The following CYP2C18 variants were observed in gnomAD, a reference collection of about 807,000 sequenced individuals.
CYP2C18 encodes the protein cytochrome P450 2C18.
Under a neutral mutation model 41.3 loss-of-function variants are expected in CYP2C18, and 38 were observed. The ratio of observed to expected loss-of-function variants is 0.92; its 90% CI spans 0.71 to 1.21. The LOEUF (loss-of-function observed/expected upper bound fraction) is 1.21, where lower values mean the gene tolerates loss of function less well. Ranked by LOEUF, CYP2C18 falls within the 50% of genes most tolerant of loss-of-function variation. The pLI is 0.00. For missense variants in CYP2C18, 635 were observed against 591.4 expected, an observed-to-expected ratio of 1.07 and a Z score of -0.77; for synonymous variants, 236 against 210.0, an observed-to-expected ratio of 1.12 and a Z score of -1.07.
chr10:94,691,935 A>G (rs1344590692), intron 3 of CYP2C18, among the ~76,000 whole-genome samples: 1 of 152,202 alleles, frequency 6.6e-6, no homozygotes, highest in Admixed American at 6.5e-5. Flanking sequence ...AGGATTCCCT[A>G]TTTAATAAAT....
chr10:94,727,206 A>C (rs1353364675), intron 7 of CYP2C18, among the ~76,000 whole-genome samples: 3 of 152,232 alleles, frequency 2.0e-5, no homozygotes, highest in African/African-American at 7.2e-5. Context: ...TAAAAGCCTG[A>C]GTAGTTAAAA....
rs190005280 is a variant in CYP2C18 at position 94,699,526 on chromosome 10, G to A, written c.642+4449G>A. On this transcript the variant is annotated intron_variant, in intron 4 of 8. Transcript: ENST00000285979. ...TGACAAACCCAAAGCTGATCATACCGAATGGGCACAAACTGGAAGCATTCC... is the reference window on the plus strand; with the variant it reads ...TGACAAACCCAAAGCTGATCATACCAAATGGGCACAAACTGGAAGCATTCC... Among the ~76,000 whole-genome samples, 203 of 152,188 alleles carry A rather than the reference G, an allele frequency of 1.3e-3. 1 individual carries two copies. Among genetic ancestry groups the A allele is most frequent in the Non-Finnish European group, 2.1e-3 (144 of 67,992 alleles).
intron 6 of CYP2C18, among the ~76,000 whole-genome samples, chr10:94,723,516 G>A (rs1847682362): frequency 6.6e-6 from 1 of 152,054 alleles, no homozygotes; most frequent in Non-Finnish European, 1.5e-5. Context: ...AATTGAAATG[G>A]ACACACAAGT....
At chr10:94,696,633 TG>T (rs1847122280) in intron 4 of CYP2C18, among the ~76,000 whole-genome samples, 1 of 152,106 alleles carries the variant, frequency 6.6e-6, no homozygotes, top group Non-Finnish European at 1.5e-5. Flanking sequence ...GGACAGAGAA[TG>T]ACTTTGACGA....
rs560514397 is a variant in CYP2C18, at chr10:94,706,404, C to T, written c.643-380C>T. 3.9e-5 allele frequency among the ~76,000 whole-genome samples: 6 copies of T among 152,242 alleles called. No individual in the cohort carries two copies. In the South Asian group the frequency reaches 8.3e-4, roughly 21 times the overall value. ...AAATAGCAGGGAATGGCTTTGTGATCTATTTCATGTTGTTCAAATTTCCTT... is the reference window on the plus strand; with the variant it reads ...AAATAGCAGGGAATGGCTTTGTGATTTATTTCATGTTGTTCAAATTTCCTT... On this transcript the variant is annotated intron_variant, in intron 4 of 8. Coordinates refer to ENST00000285979, the MANE Select transcript of CYP2C18 (RefSeq NM_000772.3).
At chr10:94,684,048 A>G in intron 1 of CYP2C18, 61 bp downstream of exon 1, 2 of 1,225,760 alleles carry the variant, frequency 1.6e-6, no homozygotes, top group South Asian at 3.5e-5. Flanking sequence ...ACAATTCTTA[A>G]AGTTTTATTT....
At chr10:94,710,000 A>C (rs1847408951) in intron 5 of CYP2C18, among the ~76,000 whole-genome samples, 1 of 150,984 alleles carries the variant, frequency 6.6e-6, no homozygotes. Context: ...TTTTTTTGAG[A>C]CAGGGTCTCG....
chr10:94,703,088 C>G (rs1268409167), intron 4 of CYP2C18, among the ~76,000 whole-genome samples: 1 of 152,208 alleles, frequency 6.6e-6, no homozygotes, highest in Non-Finnish European at 1.5e-5. Flanking sequence ...AAGATTGCTG[C>G]CTGCTCCTTC....
chr10:94,701,297 T>C (rs1038674813), intron 4 of CYP2C18, among the ~76,000 whole-genome samples: 1 of 152,098 alleles, frequency 6.6e-6, no homozygotes, highest in Non-Finnish European at 1.5e-5. Flanking sequence ...CCATAAAAAA[T>C]GATGAGTTCA....
At chr10:94,727,459 A>G (rs905709084) in intron 7 of CYP2C18, among the ~76,000 whole-genome samples, 2 of 151,986 alleles carry the variant, frequency 1.3e-5, no homozygotes, top group Non-Finnish European at 2.9e-5. Flanking sequence ...TACAAAAAAT[A>G]AAAAAATTAG....
At chr10:94,703,301 C>A (rs950388544) in intron 4 of CYP2C18, among the ~76,000 whole-genome samples, 1 of 152,352 alleles carries the variant, frequency 6.6e-6, no homozygotes, top group Non-Finnish European at 1.5e-5. Context: ...GGCCATCAGG[C>A]AGAAACGTTT....
chr10:94,724,257 C>T lies in CYP2C18; in HGVS notation c.962-89C>T, dbSNP rs995400622. ...TATAAGTTTATAATGATGTTGGGAC[C>T]CCTTCCTTATGCTTCTTGTAACCTG... is the stretch of plus-strand genomic sequence containing the variant. On this transcript the variant is annotated intron_variant, in intron 6 of 8. Coordinates refer to ENST00000285979, the MANE Select transcript of CYP2C18 (RefSeq NM_000772.3). 7 of 1,295,518 alleles carry T rather than the reference C, an allele frequency of 5.4e-6. No individual in the cohort carries two copies. In the African/African-American group the frequency reaches 1.0e-4, roughly 19 times the overall value. The allele number at this position is 1,295,518 out of a possible 1,614,324, so 80.3% of individuals were successfully genotyped here.
chr10:94,735,364 A>C lies in CYP2C18; in HGVS notation c.1393A>C (p.Lys465Gln). The stretch of plus-strand genomic sequence containing the variant: ...TAACCTGAAATCTCAGGTTGACCCA[A>C]AGGATATTGACATCACCCCCATTGC... ...NFNLKSQVDP[K>Q]DIDITPIANA... The change falls in exon 9 of 9, where the codon AAG becomes CAG. Residue 465 changes from lysine (K) to glutamine (Q), a missense_variant. Physicochemically the swap from Lys to Gln is moderately conservative, Grantham distance 53. Transcript: ENST00000285979. 1.2e-6 allele frequency: 2 copies of C among 1,613,708 alleles called. No homozygotes were observed. The highest frequency in any genetic ancestry group is 1.7e-6 in the Non-Finnish European group (2 of 1,179,752).
At chr10:94,720,319 C>G in intron 5 of CYP2C18, 77 bp from the exon 6 acceptor site, 2 of 1,302,248 alleles carry the variant, frequency 1.5e-6, no homozygotes, top group Middle Eastern at 2.7e-4. Flanking sequence ...TTAGAACAAC[C>G]TGATATATTT....
intron 5 of CYP2C18, among the ~76,000 whole-genome samples, chr10:94,719,360 G>T (rs1200585773): frequency 6.6e-6 from 1 of 151,936 alleles, no homozygotes; most frequent in Non-Finnish European, 1.5e-5. Flanking sequence ...AGAACTAGGT[G>T]CCTGCCATTT....
rs191540333 is a variant in CYP2C18 at position 94,685,339 on chromosome 10, G to A, written c.168+1352G>A. Among the ~76,000 whole-genome samples, 343 of 152,166 alleles carry A rather than the reference G, an allele frequency of 2.3e-3. 3 individuals carry two copies. Among genetic ancestry groups the A allele is most frequent in the Non-Finnish European group, 3.4e-4 (23 of 67,988 alleles). On this transcript the variant is annotated intron_variant, in intron 1 of 8. Coordinates refer to ENST00000285979, the MANE Select transcript of CYP2C18 (RefSeq NM_000772.3). ...ATGAGCCATTGCACTTGACCCCTTT[G>A]CTCGTTTTAAATAGAATTATTTATT...
intron 7 of CYP2C18, among the ~76,000 whole-genome samples, chr10:94,727,845 A>G (rs1847769605): frequency 6.6e-6 from 1 of 152,124 alleles, no homozygotes; most frequent in Non-Finnish European, 1.5e-5. Flanking sequence ...GCATTTATCT[A>G]TCATCTATCT....
Position 94,706,926 on chromosome 10 carries a change from AC to A in CYP2C18, c.786del (p.Phe263LeufsTer6), listed in dbSNP as rs753863546. 1 of 1,609,394 alleles carries A rather than the reference AC, an allele frequency of 6.2e-7. No individual in the cohort carries two copies. ...TCCCTGGACATGAACAGTGCTCGGG[AC>A]TTTATTGATTGTTTCCTGATCAAAA... ...QESLDMNSAR[D>X]FIDCFLIKME... On this transcript the variant is annotated frameshift_variant, in exon 5 of 9. Transcript: ENST00000285979. LOFTEE classifies it high-confidence loss of function.
rs1847699934 is a variant in CYP2C18 at position 94,724,412 on chromosome 10, G to A, written c.1028G>A (p.Ser343Asn). The A allele has an allele frequency of 6.2e-7, 1 of 1,613,636 alleles. No homozygotes were observed. Among genetic ancestry groups the A allele is most frequent in the Non-Finnish European group, 8.5e-7 (1 of 1,179,712 alleles). Reference sequence around the variant, plus strand: ...CGGAGCCCCTGTATGCAGGACAGGAGTCACATGCCCTACACAGATGCTGTG... The same window carrying A: ...CGGAGCCCCTGTATGCAGGACAGGAATCACATGCCCTACACAGATGCTGTG... ...RNRSPCMQDR[S>N]HMPYTDAVVH... Residue 343 changes from serine (S) to asparagine (N), a missense_variant, in exon 7 of 9, where the codon AGT becomes AAT. Coordinates refer to ENST00000285979, the MANE Select transcript of CYP2C18 (RefSeq NM_000772.3).
Sources: gnomAD v4.1 joint callset for allele counts (sites outside exome capture counted in the v4.1 genomes callset) on GRCh38, gnomAD v4.1.1 for gene constraint, MANE v1.5 for transcripts, NCBI Gene and HGNC (gene_info 2026-07-23, HGNC 2026-07-21) for gene names.